KIAA0586: variants seen among roughly 807,000 people sequenced by gnomAD.
KIAA0586 encodes KIAA0586, also known as protein TALPID3.
In KIAA0586, 144 loss-of-function variants were observed where a neutral mutation model predicts 169.8. The observed-to-expected ratio is 0.85, with a 90% CI of 0.74 to 0.97. KIAA0586 has a LOEUF of 0.97. Among genes scored for constraint, KIAA0586 ranks in the 50% least tolerant of loss-of-function variants. KIAA0586 has a pLI of 0.00. For missense variants in KIAA0586, 1,854 were observed against 1,823.0 expected (o/e 1.02, Z -0.31); for synonymous variants, 625 against 612.4 (o/e 1.02, Z -0.30).
At chr14:58,559,891 G>A in the KIAA0586 span, among the ~76,000 whole-genome samples, 10 of 152,214 alleles carry the variant, frequency 6.6e-5, no homozygotes, top group South Asian at 1.5e-3. Flanking sequence ...GGTGGCTCAC[G>A]CCTGTAATTC....
In KIAA0586 at chr14:58,447,724, A is replaced by G. The variant is rs141234426; in HGVS notation, c.808-616A>G. Among the ~76,000 whole-genome samples, 420 of 152,078 alleles carry G rather than the reference A, an allele frequency of 2.8e-3. 4 individuals carry two copies. The highest frequency in any genetic ancestry group is 9.7e-3 in the African/African-American group (402 of 41,478). ...TCGAACTCCTGACCTCAGGTGATCC[A>G]TTTGCCTTGGCCTCCCAAAGTGCTG... On this transcript the variant is annotated intron_variant, in intron 6 of 30. Coordinates refer to ENST00000652326, the MANE Select transcript of KIAA0586 (RefSeq NM_001329943.3).
chr14:58,533,716 A>C (rs1014846479), intron 29 of KIAA0586, among the ~76,000 whole-genome samples: 4 of 152,180 alleles, frequency 2.6e-5, no homozygotes, highest in Non-Finnish European at 5.9e-5. Flanking sequence ...GCTGTGCCTT[A>C]CAGCTTGGAA....
chr14:58,472,240 T>C lies in KIAA0586; in HGVS notation c.2595T>C (p.Phe865=). 1 of 1,587,480 alleles carries C rather than the reference T, an allele frequency of 6.3e-7. No individual in the cohort carries two copies. The highest frequency in any genetic ancestry group is 1.2e-5 in the South Asian group (1 of 85,888). The change falls in exon 18 of 31, where the codon TTT becomes TTC. Residue 865 remains phenylalanine (F), a synonymous_variant. Transcript: ENST00000652326. ...AGGTAGATGAAGAAGAGGTGAAGTT[T>C]CCAGGAACTAACTTTGATGAAATAA... The part of the protein sequence containing the change: ...IMKVDEEEVK[F]PGTNFDEIID...
intron 1 of KIAA0586, among the ~76,000 whole-genome samples, chr14:58,428,949 G>A (rs1263834212): frequency 6.6e-6 from 1 of 152,064 alleles, no homozygotes; most frequent in African/African-American, 2.4e-5. Context: ...CTAATTGTGA[G>A]GATTAAATTA....
rs1361867441 is a variant in KIAA0586, at chr14:58,466,031, T to G, written c.2254+2T>G. On this transcript the variant is annotated splice_donor_variant, in intron 15 of 30. Transcript: ENST00000652326. LOFTEE classifies it high-confidence loss of function. ...TGATTCCTATGGCAATTCTTTTAGG[T>G]AAGAATCAACAAAATATGTGGGATG... 1.9e-6 allele frequency: 3 copies of G among 1,574,692 alleles called. No homozygotes were observed. The highest frequency in any genetic ancestry group is 2.6e-6 in the Non-Finnish European group (3 of 1,154,242).
rs760351481 is a variant in KIAA0586, at chr14:58,443,954, G to T, written c.586G>T (p.Val196Leu). ...TTTAAAAATGTTTTTATTGTTTTAG[G>T]TGCAGAGTGATTTGGAAGCAAAAGT... ...AIATAAPLIK[V>L]QSDLEAKVNS... is the part of the protein sequence containing the mutation. Residue 196 changes from valine to leucine, a missense_variant and splice_region_variant, in exon 6 of 31, where the codon GTG becomes TTG. Val to Leu is a conservative substitution (Grantham distance 32). Coordinates refer to ENST00000652326, the MANE Select transcript of KIAA0586 (RefSeq NM_001329943.3). 3 of 1,582,212 alleles carry T rather than the reference G, an allele frequency of 1.9e-6. No homozygotes were observed. The Admixed American group carries it at 5.2e-5, about 28-fold the overall frequency.
At chr14:58,537,115 C>T in intron 29 of KIAA0586, 3 of 1,224,204 alleles carry the variant, frequency 2.5e-6, no homozygotes, top group Admixed American at 5.7e-5. Flanking sequence ...TCATCAACTG[C>T]AGAGCACAAT....
At chr14:58,449,901 GT>G (rs1476607103) in intron 7 of KIAA0586, among the ~76,000 whole-genome samples, 1 of 152,104 alleles carries the variant, frequency 6.6e-6, no homozygotes, top group Non-Finnish European at 1.5e-5. Context: ...TAAAAATTCA[GT>G]AAATTAAACT....
At chr14:58,559,284 GCT>G in the KIAA0586 span, among the ~76,000 whole-genome samples, 3 of 152,184 alleles carry the variant, frequency 2.0e-5, no homozygotes, top group Admixed American at 2.0e-4. Flanking sequence ...CGATTTTTCT[GCT>G]CAATTTTTAG....
intron 6 of KIAA0586, 96 bp downstream of exon 6, chr14:58,444,271 T>TA: frequency 1.3e-6 from 1 of 781,248 alleles, no homozygotes; most frequent in East Asian, 2.7e-5. Context: ...CATTAGATTG[T>TA]AACAGTTTTA....
rs2046636202 is a variant in KIAA0586 at position 58,541,561 on chromosome 14, A to G, written c.4495+1425A>G. On this transcript the variant is annotated intron_variant, in intron 30 of 30. Coordinates refer to ENST00000652326, the MANE Select transcript of KIAA0586 (RefSeq NM_001329943.3). ...ACAGGAGAGGAACTAATATTTCACC[A>G]CTATCACTGGAAAAACAATTCAGAG... is the stretch of plus-strand genomic sequence containing the variant. Among the ~76,000 whole-genome samples the G allele has an allele frequency of 1.3e-5, 2 of 152,216 alleles. 1 individual carries two copies. Among genetic ancestry groups the G allele is most frequent in the Admixed American group, 1.3e-4 (2 of 15,280 alleles).
In KIAA0586 at chr14:58,460,045, C is replaced by G; in HGVS notation, c.1859C>G (p.Ser620Ter). ...RNLPMRGMPA[S>*]SLQKERKEGL... ...CTACCTATGAGGGGCATGCCTGCTT[C>G]AAGTTTACAGAAAGAGAGAAAGGAA... is the stretch of plus-strand genomic sequence containing the variant. The change falls in exon 13 of 31, where the codon TCA becomes TGA. Residue 620 changes from serine (S) to a stop codon, truncating the protein, a stop_gained. Transcript: ENST00000652326. LOFTEE classifies it high-confidence loss of function. 1 of 1,526,906 alleles carries G rather than the reference C, an allele frequency of 6.5e-7. No homozygotes were observed. The highest frequency in any genetic ancestry group is 8.8e-7 in the Non-Finnish European group (1 of 1,140,838). 94.6% of individuals were successfully genotyped at this position (1,526,906 alleles called of 1,614,324 possible).
At position 58,443,941 on chromosome 14, in the gene KIAA0586, T is replaced by C. The variant is rs1326953622; in HGVS notation, c.586-13T>C. ...TATAATGTGAATTTTTAAAAATGTT[T>C]TTATTGTTTTAGGTGCAGAGTGATT... On this transcript the variant is annotated splice_polypyrimidine_tract_variant and intron_variant, in intron 5 of 30. Coordinates refer to ENST00000652326, the MANE Select transcript of KIAA0586 (RefSeq NM_001329943.3). 1 of 1,515,746 alleles carries C rather than the reference T, an allele frequency of 6.6e-7. No homozygotes were observed. The highest frequency in any genetic ancestry group is 9.0e-7 in the Non-Finnish European group (1 of 1,110,330). The allele number at this position is 1,515,746 out of a possible 1,614,324, so 93.9% of individuals were successfully genotyped here. A position where few individuals can be genotyped will look rare whatever the true frequency, so the allele number is the denominator to read the frequency against.
At chr14:58,479,398 T>C (rs542270716) in intron 20 of KIAA0586, among the ~76,000 whole-genome samples, 35 of 152,352 alleles carry the variant, frequency 2.3e-4, no homozygotes, top group African/African-American at 8.2e-4. Context: ...GTATGAAGTT[T>C]TTTATCTATT....
intron 29 of KIAA0586, among the ~76,000 whole-genome samples, chr14:58,538,268 A>G (rs1444051289): frequency 6.6e-6 from 1 of 152,210 alleles, no homozygotes; most frequent in Non-Finnish European, 1.5e-5. Context: ...TCCTTATAAA[A>G]CATTAAATTT....
chr14:58,472,704 T>C (rs921292800), intron 18 of KIAA0586, among the ~76,000 whole-genome samples: 1 of 151,646 alleles, frequency 6.6e-6, no homozygotes, highest in Non-Finnish European at 1.5e-5. Flanking sequence ...GGAAGAGTTA[T>C]AGAAATGATA....
At chr14:58,476,895 G>C (rs1268942682) in intron 19 of KIAA0586, among the ~76,000 whole-genome samples, 1 of 152,122 alleles carries the variant, frequency 6.6e-6, no homozygotes, top group African/African-American at 2.4e-5. Flanking sequence ...CTGAGCTCAA[G>C]CAATCTGCCC....
Position 58,547,930 on chromosome 14 carries a change from T to C in KIAA0586, c.4645T>C (p.Ter1549ArgextTer35). ...DMESSGADTF[*>R] ...GGAGTCTTCGGGGGCAGATACCTTCTGAACGGGAAGAGACAGCCAGCACAG... is the reference window on the plus strand; with the variant it reads ...GGAGTCTTCGGGGGCAGATACCTTCCGAACGGGAAGAGACAGCCAGCACAG... The change falls in exon 31 of 31, where the codon TGA (stop) becomes CGA (arginine). Residue 1549 changes from the stop codon to arginine (R), a stop_lost. Transcript: ENST00000652326. 1 of 1,613,582 alleles carries C rather than the reference T, an allele frequency of 6.2e-7. No homozygotes were observed. Among genetic ancestry groups the C allele is most frequent in the Non-Finnish European group, 8.5e-7 (1 of 1,179,654 alleles).
At chr14:58,477,889 AT>A (rs1172099979) in intron 20 of KIAA0586, among the ~76,000 whole-genome samples, 2 of 135,258 alleles carry the variant, frequency 1.5e-5, no homozygotes, top group African/African-American at 5.6e-5. Flanking sequence ...TCTCTTCCCC[AT>A]TTTTTCCTTC....
Sources: allele counts gnomAD v4.1 joint callset (sites outside exome capture counted in the v4.1 genomes callset), GRCh38; gene constraint gnomAD v4.1.1; transcripts MANE v1.5; gene names NCBI Gene and HGNC (gene_info 2026-07-23, HGNC 2026-07-21).